BRD9: variants seen among roughly 807,000 people sequenced by gnomAD.
BRD9 encodes bromodomain-containing protein 9.
Under a neutral mutation model 68.7 loss-of-function variants are expected in BRD9, and 47 were observed. The observed-to-expected ratio is 0.68, with a 90% CI of 0.54 to 0.87. The LOEUF is 0.87. BRD9 is among the 40% of genes least tolerant of loss of function. BRD9 has a pLI of 0.00. For synonymous variants in BRD9, 313 were observed against 293.9 expected, an observed-to-expected ratio of 1.06 and a Z score of -0.67; for missense variants, 670 against 748.4, an observed-to-expected ratio of 0.90 and a Z score of 1.22.
intron 1 of BRD9, 45 bp downstream of exon 1, chr5:892,561 C>G (rs892992496): frequency 3.2e-5 from 49 of 1,530,052 alleles, no homozygotes; most frequent in Non-Finnish European, 4.2e-5. Context: ...CTCCCCCGTG[C>G]CCGGGACCCC....
At chr5:870,808 A>G (rs1341079080) in intron 13 of BRD9, among the ~76,000 whole-genome samples, 1 of 152,252 alleles carries the variant, frequency 6.6e-6, no homozygotes, top group African/African-American at 2.4e-5. Context: ...GAGACCAACA[A>G]CGCAAACTAA....
At chr5:864,949 C>A in intron 15 of BRD9, among the ~76,000 whole-genome samples, 1 of 152,288 alleles carries the variant, frequency 6.6e-6, no homozygotes. Flanking sequence ...TCAATGGAAT[C>A]GAAAATACCG....
intron 11 of BRD9, among the ~76,000 whole-genome samples, chr5:878,065 C>T (rs1230074679): frequency 5.3e-5 from 8 of 152,186 alleles, no homozygotes; most frequent in African/African-American, 7.2e-5. Flanking sequence ...TGAGCTAGCA[C>T]GGTCACTTAG....
chr5:881,373 A>G (rs138294094), intron 8 of BRD9, 191 bp from the exon 9 acceptor site: 7 of 616,224 alleles, frequency 1.1e-5, no homozygotes, highest in Non-Finnish European at 1.4e-5. Context: ...ACAGGTGCCA[A>G]GGAGAACCTC....
At chr5:888,959 T>C in intron 5 of BRD9, 62 bp downstream of exon 5, 1 of 1,532,008 alleles carries the variant, frequency 6.5e-7, no homozygotes, top group Non-Finnish European at 8.8e-7. Flanking sequence ...GAATGAAGTC[T>C]TCACAAGACA....
chr5:880,487 ACC>A (rs907150246), intron 9 of BRD9, among the ~76,000 whole-genome samples: 4 of 151,920 alleles, frequency 2.6e-5, no homozygotes, highest in Admixed American at 6.5e-5. Context: ...GTGAAAGACC[ACC>A]AGCAGGCATG....
At position 886,500 on chromosome 5, in the gene BRD9, T is replaced by C. The variant is rs576509305; in HGVS notation, c.833+92A>G. 604 of 1,198,474 alleles carry C rather than the reference T, an allele frequency of 5.0e-4. 5 individuals are homozygous for C. The highest frequency in any genetic ancestry group is 1.0e-3 in the Admixed American group (50 of 48,078). 74.2% of individuals were successfully genotyped at this position (1,198,474 alleles called of 1,614,324 possible). A position where few individuals can be genotyped will look rare whatever the true frequency, so the allele number is the denominator to read the frequency against. On this transcript the variant is annotated intron_variant, in intron 7 of 15. Coordinates refer to ENST00000467963, the MANE Select transcript of BRD9 (RefSeq NM_023924.5). ...TGTCTATGTGACATGACATCCGTTC[T>C]CTCACTCACTCACTCTCCCCTACAA...
At chr5:884,276 G>C (rs1012672405) in intron 7 of BRD9, among the ~76,000 whole-genome samples, 7 of 152,230 alleles carry the variant, frequency 4.6e-5, no homozygotes, top group Non-Finnish European at 8.8e-5. Context: ...AAAATAAAGG[G>C]TAAGTGTAAG....
chr5:877,330 C>T (rs182045809), intron 11 of BRD9, among the ~76,000 whole-genome samples: 1 of 152,360 alleles, frequency 6.6e-6, no homozygotes, highest in Non-Finnish European at 1.5e-5. Context: ...TAATTTCTGA[C>T]TTATGACCCC....
At chr5:887,571 C>G in intron 5 of BRD9, 100 bp from the exon 6 acceptor site, 2 of 906,048 alleles carry the variant, frequency 2.2e-6, no homozygotes, top group South Asian at 2.8e-5. Context: ...AAGCTACAAT[C>G]GAGTAGAAAA....
chr5:877,880 G>A lies in BRD9; in HGVS notation c.1271+475C>T, dbSNP rs6895026. On this transcript the variant is annotated intron_variant, in intron 11 of 15. Coordinates refer to ENST00000467963, the MANE Select transcript of BRD9 (RefSeq NM_023924.5). ...GAACGGTAGGGTCTCCAGGAGAGCC[G>A]AGGACACAGACACACGCAGGATGGC... Among the ~76,000 whole-genome samples the A allele has an allele frequency of 4.3e-3, 659 of 152,188 alleles. 5 individuals are homozygous for A. Among genetic ancestry groups the A allele is most frequent in the African/African-American group, 0.015 (642 of 41,516 alleles).
intron 11 of BRD9, 125 bp downstream of exon 11, chr5:878,230 G>T: frequency 7.2e-7 from 1 of 1,380,848 alleles, no homozygotes. Flanking sequence ...GAAGACCCAG[G>T]CTGCCATATG....
In BRD9 at chr5:886,581, A is replaced by C; in HGVS notation, c.833+11T>G. 8.1e-6 allele frequency: 13 copies of C among 1,610,444 alleles called. No homozygotes were observed. The highest frequency in any genetic ancestry group is 1.1e-5 in the Non-Finnish European group (13 of 1,177,916). Reference sequence around the variant, plus strand: ...CTCCAAAAGCAAATGTGGTTTCCACAGAACCTTTACCTGATAACTTCTCTA... The same window carrying C: ...CTCCAAAAGCAAATGTGGTTTCCACCGAACCTTTACCTGATAACTTCTCTA... On this transcript the variant is annotated intron_variant, in intron 7 of 15. Transcript: ENST00000467963.
chr5:878,568 G>C, intron 10 of BRD9, 81 bp from the exon 11 acceptor site: 1 of 1,588,228 alleles, frequency 6.3e-7, no homozygotes, highest in Non-Finnish European at 8.6e-7. Context: ...TCCAGGGGCT[G>C]AGGGACCGCC....
In BRD9 at chr5:891,868, G is replaced by A; in HGVS notation, c.53-14C>T. ...TGTCGGCATAATCTGCACAGACACA[G>A]ACCGAGTTCTACCCGCGTGCTCAGG... is the stretch of plus-strand genomic sequence containing the variant. On this transcript the variant is annotated splice_polypyrimidine_tract_variant and intron_variant, in intron 1 of 15. Transcript: ENST00000467963. The A allele has an allele frequency of 1.3e-6, 2 of 1,546,148 alleles. No individual in the cohort carries two copies. The highest frequency in any genetic ancestry group is 1.7e-6 in the Non-Finnish European group (2 of 1,145,504).
At chr5:888,266 G>A (rs1580004647) in intron 5 of BRD9, 1 of 152,516 alleles carries the variant, frequency 6.6e-6, no homozygotes, top group South Asian at 2.1e-4. Context: ...ACTGGGGCCC[G>A]AAGCAGGGAA....
At position 888,038 on chromosome 5, in the gene BRD9, C is replaced by T. The variant is rs200633226; in HGVS notation, c.607-567G>A. 1.1e-4 allele frequency among the ~76,000 whole-genome samples: 17 copies of T among 152,336 alleles called. No homozygotes were observed. The East Asian group carries it at 3.3e-3, about 29-fold the overall frequency. Reference sequence around the variant, plus strand: ...GCCAGTTTCCTCAGCACAGGCCTCTCAAAGGTGAGTACCAACGTCAGGCTG... The same window carrying T: ...GCCAGTTTCCTCAGCACAGGCCTCTTAAAGGTGAGTACCAACGTCAGGCTG... On this transcript the variant is annotated intron_variant, in intron 5 of 15. Coordinates refer to ENST00000467963, the MANE Select transcript of BRD9 (RefSeq NM_023924.5).
At position 883,918 on chromosome 5, in the gene BRD9, C is replaced by T. The variant is rs371956077; in HGVS notation, c.966+20G>A. On this transcript the variant is annotated intron_variant, in intron 8 of 15. Coordinates refer to ENST00000467963, the MANE Select transcript of BRD9 (RefSeq NM_023924.5). Reference sequence around the variant, plus strand: ...TCTGGGGCCACGTGGCACCCTCTCTCGGTGGCCACAGAGCACTACCTTGCC... The same window carrying T: ...TCTGGGGCCACGTGGCACCCTCTCTTGGTGGCCACAGAGCACTACCTTGCC... The T allele has an allele frequency of 3.6e-5, 58 of 1,605,312 alleles. No individual in the cohort carries two copies. The highest frequency in any genetic ancestry group is 1.6e-4 in the African/African-American group (12 of 74,810).
chr5:874,170 G>A (rs779622346), intron 12 of BRD9, among the ~76,000 whole-genome samples: 1 of 152,068 alleles, frequency 6.6e-6, no homozygotes, highest in Non-Finnish European at 1.5e-5. Flanking sequence ...TGGTGCAATC[G>A]CACTGCAGCC....
Sources: allele counts gnomAD v4.1 joint callset (sites outside exome capture counted in the v4.1 genomes callset), GRCh38; gene constraint gnomAD v4.1.1; transcripts MANE v1.5; gene names NCBI Gene and HGNC (gene_info 2026-07-23, HGNC 2026-07-21).